Variants in PTPRD observed in about 807,000 individuals in gnomAD.
PTPRD encodes the protein receptor-type tyrosine-protein phosphatase delta.
In PTPRD, 34 loss-of-function variants were observed where a neutral mutation model predicts 214.5. The ratio of observed to expected loss-of-function variants is 0.16; its 90% CI spans 0.12 to 0.21. The LOEUF (loss-of-function observed/expected upper bound fraction) is 0.21. PTPRD is among the 10% of genes least tolerant of loss of function. PTPRD has a pLI of 1.00. For missense variants in PTPRD, 2,545 were observed against 2,398.7 expected (o/e 1.06, Z -1.27); for synonymous variants, 1,128 against 845.7 (o/e 1.33, Z -5.79).
At chr9:8,983,149 T>G (rs1385195080) in intron 11 of PTPRD, among the ~76,000 whole-genome samples, 1 of 152,104 alleles carries the variant, frequency 6.6e-6, no homozygotes, top group Non-Finnish European at 1.5e-5. Context: ...TGGCTTTTCA[T>G]CACACTAGTA....
At chr9:8,350,153 A>G (rs1564170415) in intron 39 of PTPRD, among the ~76,000 whole-genome samples, 1 of 152,158 alleles carries the variant, frequency 6.6e-6, no homozygotes, top group Non-Finnish European at 1.5e-5. Context: ...GTGATACAGT[A>G]GTAATGTGCA....
At chr9:9,404,583 G>A (rs2072467502) in intron 8 of PTPRD, among the ~76,000 whole-genome samples, 1 of 152,088 alleles carries the variant, frequency 6.6e-6, no homozygotes, top group Admixed American at 6.6e-5. Flanking sequence ...TGTATCAGCT[G>A]TGTTGATTAG....
intron 35 of PTPRD, among the ~76,000 whole-genome samples, chr9:8,407,709 T>C (rs533623762): frequency 2.0e-5 from 3 of 152,326 alleles, no homozygotes; most frequent in Admixed American, 2.0e-4. Flanking sequence ...TTCACATGGA[T>C]GATAAAACAG....
intron 10 of PTPRD, among the ~76,000 whole-genome samples, chr9:9,027,667 A>G (rs559818255): frequency 5.3e-5 from 8 of 152,060 alleles, no homozygotes; most frequent in Admixed American, 5.3e-4. Context: ...GAAAAGTCCT[A>G]TCACATATCA....
chr9:10,443,323 G>T (rs2098774045), intron 2 of PTPRD, among the ~76,000 whole-genome samples: 1 of 151,576 alleles, frequency 6.6e-6, no homozygotes, highest in South Asian at 2.1e-4. Context: ...TGGGTTTATG[G>T]TGAGCCGCTA....
At chr9:10,323,498 G>A (rs2096591926) in intron 3 of PTPRD, among the ~76,000 whole-genome samples, 2 of 151,138 alleles carry the variant, frequency 1.3e-5, no homozygotes, top group Admixed American at 6.6e-5. Context: ...TAGAGACAAG[G>A]TCTCACTGTG....
intron 33 of PTPRD, among the ~76,000 whole-genome samples, chr9:8,454,758 G>C (rs1037281317): frequency 2.0e-5 from 3 of 151,954 alleles, no homozygotes; most frequent in Admixed American, 6.6e-5. Context: ...AATATTTATA[G>C]ACCTCTGATT....
intron 10 of PTPRD, among the ~76,000 whole-genome samples, chr9:9,169,134 C>T (rs953364857): frequency 9.2e-5 from 14 of 152,072 alleles, no homozygotes; most frequent in Non-Finnish European, 1.9e-4. Context: ...ATCTAATACA[C>T]TGTTTGCTTA....
chr9:9,864,515 A>G (rs534965770), intron 5 of PTPRD, among the ~76,000 whole-genome samples: 1 of 151,926 alleles, frequency 6.6e-6, no homozygotes, highest in African/African-American at 2.4e-5. Flanking sequence ...GTTTGTTTTT[A>G]CTTTTTGTTT....
At chr9:9,122,794 C>T (rs941820896) in intron 10 of PTPRD, among the ~76,000 whole-genome samples, 7 of 152,080 alleles carry the variant, frequency 4.6e-5, no homozygotes, top group Non-Finnish European at 1.0e-4. Flanking sequence ...GAGTAACGTG[C>T]AAGGGTATGA....
chr9:9,695,972 T>C (rs1286932506), intron 7 of PTPRD, among the ~76,000 whole-genome samples: 1 of 152,034 alleles, frequency 6.6e-6, no homozygotes, highest in Admixed American at 6.6e-5. Flanking sequence ...ATACAATTGG[T>C]GTTAGTTCGT....
rs187858027 is a variant in PTPRD, at chr9:9,564,177, A to G, written c.-237+10555T>C. On this transcript the variant is annotated intron_variant, in intron 8 of 45. Transcript: ENST00000381196. ...CACCAGCTGAGCTTTTTAAAGTTTA[A>G]GTACCTGTGTATTAACTTTGTAGAT... is the stretch of plus-strand genomic sequence containing the variant. 5.3e-5 allele frequency among the ~76,000 whole-genome samples: 8 copies of G among 152,252 alleles called. No individual in the cohort carries two copies. The East Asian group carries it at 1.5e-3, about 29-fold the overall frequency.
chr9:9,671,959 G>A (rs1658429973), intron 7 of PTPRD, among the ~76,000 whole-genome samples: 1 of 152,158 alleles, frequency 6.6e-6, no homozygotes, highest in African/African-American at 2.4e-5. Flanking sequence ...GGGTTGTTAT[G>A]AGATGTGATG....
chr9:9,808,880 TC>T (rs2046264819), intron 5 of PTPRD, among the ~76,000 whole-genome samples: 1 of 152,072 alleles, frequency 6.6e-6, no homozygotes, highest in African/African-American at 2.4e-5. Flanking sequence ...CAAGCTATCT[TC>T]CCACCTTACC....
intron 14 of PTPRD, among the ~76,000 whole-genome samples, chr9:8,598,904 G>C (rs994238114): frequency 2.0e-5 from 3 of 152,168 alleles, no homozygotes; most frequent in Non-Finnish European, 2.9e-5. Context: ...AGAGTGTATA[G>C]AGTTCTGCTC....
In PTPRD at chr9:8,341,847, G is replaced by A. The variant is rs2132509699; in HGVS notation, c.4793C>T (p.Thr1598Ile). The A allele has an allele frequency of 6.2e-7, 1 of 1,613,432 alleles. No individual in the cohort carries two copies. The highest frequency in any genetic ancestry group is 1.7e-5 in the Admixed American group (1 of 59,930). Residue 1598 changes from threonine to isoleucine, a missense_variant, in exon 40 of 46, where the codon ACA (threonine) becomes ATA (isoleucine). Thr to Ile is a moderately conservative substitution (Grantham distance 89). Coordinates refer to ENST00000381196, the MANE Select transcript of PTPRD (RefSeq NM_002839.4). Reference protein sequence around the residue: ...MRAQRNYMVQTEDQYIFIHDA... With the variant: ...MRAQRNYMVQIEDQYIFIHDA... Reference sequence around the variant, plus strand: ...ATGGATAAAGATGTATTGGTCTTCTGTTTGAACCATATAGTTCCTCTGGGC... The same window carrying A: ...ATGGATAAAGATGTATTGGTCTTCTATTTGAACCATATAGTTCCTCTGGGC...
intron 3 of PTPRD, among the ~76,000 whole-genome samples, chr9:10,096,270 A>C (rs560850846): frequency 6.6e-6 from 1 of 151,710 alleles, no homozygotes; most frequent in Non-Finnish European, 1.5e-5. Flanking sequence ...TTTCATAGCT[A>C]TCTTTTAAAA....
chr9:8,463,381 A>G (rs10465097), intron 32 of PTPRD, among the ~76,000 whole-genome samples: 20,351 of 150,540 alleles, frequency 0.14, 1,757 homozygotes, highest in East Asian at 0.3. Flanking sequence ...GCAAAGAACT[A>G]TATATCTAAG....
At position 8,376,656 on chromosome 9, in the gene PTPRD, T is replaced by C. The variant is rs2133788; in HGVS notation, c.4457A>G (p.Asp1486Gly). 8 of 1,613,148 alleles carry C rather than the reference T, an allele frequency of 5.0e-6. No homozygotes were observed. Among genetic ancestry groups the C allele is most frequent in the East Asian group, 2.2e-5 (1 of 44,842 alleles). The change falls in exon 38 of 46, where the codon GAT (aspartate) becomes GGT (glycine). Residue 1486 changes from aspartate (D) to glycine (G), a missense_variant. Transcript: ENST00000381196. ...ACAATATGTGGCCAGCTCCACAGTA[T>C]CAAGCAGCGTTACTTGAACGAGTCC... Reference protein sequence around the residue: ...THGLVQVTLLDTVELATYCVR... With the variant: ...THGLVQVTLLGTVELATYCVR...
Sources: allele counts gnomAD v4.1 joint callset (sites outside exome capture counted in the v4.1 genomes callset), GRCh38; gene constraint gnomAD v4.1.1; transcripts MANE v1.5; gene names NCBI Gene and HGNC (gene_info 2026-07-23, HGNC 2026-07-21).